Variants in STK10 observed in about 807,000 individuals in gnomAD.
STK10 encodes the protein serine/threonine kinase 10, also known as serine/threonine-protein kinase 10.
STK10 carries 78 observed loss-of-function variants against 113.8 expected under a neutral mutation model. The ratio of observed to expected loss-of-function variants is 0.69; its 90% CI spans 0.57 to 0.83. STK10 has a LOEUF of 0.83. Ranked by LOEUF, STK10 falls within the 40% of genes least tolerant of loss-of-function variation. The pLI is 0.00. For synonymous variants in STK10, 465 were observed against 494.7 expected, an observed-to-expected ratio of 0.94 and a Z score of 0.80; for missense variants, 1,109 against 1,280.1, an observed-to-expected ratio of 0.87 and a Z score of 2.04.
chr5:172,100,396 A>G (rs1237535537), intron 7 of STK10, among the ~76,000 whole-genome samples: 1 of 152,210 alleles, frequency 6.6e-6, no homozygotes, highest in Non-Finnish European at 1.5e-5. Context: ...CCTGCCATCT[A>G]AACAGATGTC....
rs1225463198 is a variant in STK10, at chr5:172,042,728, T to C, written c.*2154A>G. 6.6e-6 allele frequency: 1 copy of C among 152,186 alleles called. No individual in the cohort carries two copies. The highest frequency in any genetic ancestry group is 2.4e-5 in the African/African-American group (1 of 41,428). The allele number at this position is 152,186 out of a possible 1,614,324, so 9.4% of individuals were successfully genotyped here. A position where few individuals can be genotyped will look rare whatever the true frequency, so the allele number is the denominator to read the frequency against. On this transcript the variant is annotated 3_prime_UTR_variant, in exon 19 of 19. Coordinates refer to ENST00000176763, the MANE Select transcript of STK10 (RefSeq NM_005990.4). ...GAGACAATTGTTTCGCTTGTCTCAT[T>C]TGTGAGAGACCTAAAAAACACCCCC...
rs369559103 is a variant in STK10 at position 172,188,037 on chromosome 5, A to T, written c.6T>A (p.Ala2=). 13 of 1,611,680 alleles carry T rather than the reference A, an allele frequency of 8.1e-6. No homozygotes were observed. The highest frequency in any genetic ancestry group is 1.1e-5 in the Non-Finnish European group (13 of 1,179,158). The change falls in exon 1 of 19, where the codon GCT becomes GCA. Residue 2 remains alanine (A), a synonymous_variant. Transcript: ENST00000176763. This position sits in a 1 kb window ranked among gnomAD's most constrained non-coding sequence, Gnocchi z 5.6. The stretch of plus-strand genomic sequence containing the variant: ...GCAGGATGCGGCGGAAATTGGCAAA[A>T]GCCATGGCCGGGGGCGCGGTGGCGC... M[A]FANFRRILRL...
chr5:172,073,769 A>C (rs1188659622), intron 12 of STK10, among the ~76,000 whole-genome samples: 1 of 126,874 alleles, frequency 7.9e-6, no homozygotes, highest in African/African-American at 3.6e-5. Flanking sequence ...CAACATGGTG[A>C]AACCCCATCT....
intron 18 of STK10, among the ~76,000 whole-genome samples, chr5:172,048,450 CACAT>C (rs1156630163): frequency 6.6e-6 from 1 of 151,364 alleles, no homozygotes; most frequent in Non-Finnish European, 1.5e-5. Flanking sequence ...CACACACACA[CACAT>C]CCTCTCTCTA....
At chr5:172,137,459 AACT>A (rs976242058) in intron 2 of STK10, among the ~76,000 whole-genome samples, 1 of 152,194 alleles carries the variant, frequency 6.6e-6, no homozygotes, top group African/African-American at 2.4e-5. Flanking sequence ...GATAAAAAAA[AACT>A]ACGTGATCAT....
chr5:172,130,202 T>C (rs1769720178), intron 2 of STK10, among the ~76,000 whole-genome samples: 2 of 152,060 alleles, frequency 1.3e-5, no homozygotes, highest in Non-Finnish European at 2.9e-5. Context: ...GCTCTAGGAT[T>C]TACTGTAAGG....
chr5:172,188,052 C>A lies in STK10; in HGVS notation c.-10G>T, dbSNP rs200188738. On this transcript the variant is annotated 5_prime_UTR_variant, in exon 1 of 19. Coordinates refer to ENST00000176763, the MANE Select transcript of STK10 (RefSeq NM_005990.4). The surrounding 1 kb of genome is among the most constrained non-coding windows in gnomAD (Gnocchi z 5.6). ...AATTGGCAAAAGCCATGGCCGGGGG[C>A]GCGGTGGCGCCGGCTCGGGCTCGGG... 6.2e-7 allele frequency: 1 copy of A among 1,609,950 alleles called. No individual in the cohort carries two copies. Among genetic ancestry groups the A allele is most frequent in the Non-Finnish European group, 8.5e-7 (1 of 1,178,252 alleles).
chr5:172,163,120 C>A lies in STK10; in HGVS notation c.157-6332G>T, dbSNP rs575036099. ...CCTTGAGGCCACAGGAGATGTAATA[C>A]GGCTGATGATAAAAACAGCTAACAC... On this transcript the variant is annotated intron_variant, in intron 1 of 18. Coordinates refer to ENST00000176763, the MANE Select transcript of STK10 (RefSeq NM_005990.4). Among the ~76,000 whole-genome samples, 6 of 152,304 alleles carry A rather than the reference C, an allele frequency of 3.9e-5. No individual in the cohort carries two copies. The South Asian group carries it at 1.2e-3, about 32-fold the overall frequency.
chr5:172,061,982 CTTTTTTT>C, intron 13 of STK10, among the ~76,000 whole-genome samples: 1 of 142,136 alleles, frequency 7.0e-6, no homozygotes, highest in South Asian at 2.2e-4. Context: ...TTTCTTTTTT[CTTTTTTT>C]TTTTTTGAGA....
Position 172,043,486 on chromosome 5 carries a change from T to C in STK10, c.*1396A>G, listed in dbSNP as rs2113673351. 1 of 152,286 alleles carries C rather than the reference T, an allele frequency of 6.6e-6. No individual in the cohort carries two copies. Among genetic ancestry groups the C allele is most frequent in the South Asian group, 2.1e-4 (1 of 4,824 alleles). 9.4% of individuals were successfully genotyped at this position (152,286 alleles called of 1,614,324 possible). ...TGATTACTCCAAATCATTACCAGTTTTGTGTTGTTGTTCTTGTTTGTTGTT... is the reference window on the plus strand; with the variant it reads ...TGATTACTCCAAATCATTACCAGTTCTGTGTTGTTGTTCTTGTTTGTTGTT... On this transcript the variant is annotated 3_prime_UTR_variant, in exon 19 of 19. Coordinates refer to ENST00000176763, the MANE Select transcript of STK10 (RefSeq NM_005990.4).
intron 2 of STK10, among the ~76,000 whole-genome samples, chr5:172,152,455 C>G (rs1280632707): frequency 2.0e-5 from 3 of 152,152 alleles, no homozygotes; most frequent in Non-Finnish European, 4.4e-5. Flanking sequence ...TAGCTATTAG[C>G]AGAGGACATT....
chr5:172,156,044 G>A (rs1417371937), intron 2 of STK10, among the ~76,000 whole-genome samples: 4 of 151,890 alleles, frequency 2.6e-5, no homozygotes, highest in Non-Finnish European at 4.4e-5. Context: ...GGAAGATGGC[G>A]CTTGAAGCTA....
chr5:172,154,907 A>T (rs886734298), intron 2 of STK10, among the ~76,000 whole-genome samples: 4 of 152,338 alleles, frequency 2.6e-5, no homozygotes, highest in Non-Finnish European at 4.4e-5. Flanking sequence ...TCATAGCAAA[A>T]GGCCAAGCAC....
Position 172,082,415 on chromosome 5 carries a change from G to T in STK10, c.1900C>A (p.Arg634Ser). The T allele has an allele frequency of 6.2e-7, 1 of 1,610,920 alleles. No individual in the cohort carries two copies. The highest frequency in any genetic ancestry group is 8.5e-7 in the Non-Finnish European group (1 of 1,178,566). The change falls in exon 12 of 19, where the codon CGC (arginine) becomes AGC (serine). Residue 634 changes from arginine to serine, a missense_variant. Physicochemically the swap from Arg to Ser is moderately radical, Grantham distance 110. Around this residue, in one of 5 missense-constraint regions of STK10, gnomAD observed 885 missense variants for 991.1 expected, o/e 0.89. Coordinates refer to ENST00000176763, the MANE Select transcript of STK10 (RefSeq NM_005990.4). The surrounding 1 kb of genome is among the most constrained non-coding windows in gnomAD (Gnocchi z 4.3). ...VEKMEQDHAV[R>S]RREEARRIRL... The stretch of plus-strand genomic sequence containing the variant: ...ATCCGCCTGGCCTCCTCCCGGCGGC[G>T]CACGGCATGGTCTTGCTCCATCTTC...
intron 10 of STK10, among the ~76,000 whole-genome samples, chr5:172,087,105 C>G (rs1355336871): frequency 1.1e-5 from 1 of 91,762 alleles, no homozygotes; most frequent in Non-Finnish European, 2.2e-5. Context: ...ACAGATGACA[C>G]CAGTGTGTGT....
chr5:172,136,542 A>C (rs1769864286), intron 2 of STK10, among the ~76,000 whole-genome samples: 1 of 152,210 alleles, frequency 6.6e-6, no homozygotes, highest in Non-Finnish European at 1.5e-5. Context: ...GCTTGCAGTG[A>C]GCCAAGATCG....
intron 1 of STK10, among the ~76,000 whole-genome samples, chr5:172,183,583 G>A (rs1362341557): frequency 6.6e-6 from 1 of 151,978 alleles, no homozygotes; most frequent in Non-Finnish European, 1.5e-5. Context: ...TAGTAGCTGG[G>A]ATTACAGGCT....
In STK10 at chr5:172,187,944, G is replaced by A. The variant is rs1220019694; in HGVS notation, c.99C>T (p.Asn33=). 1.2e-6 allele frequency: 2 copies of A among 1,613,460 alleles called. No homozygotes were observed. Among genetic ancestry groups the A allele is most frequent in the Admixed American group, 1.7e-5 (1 of 59,986 alleles). The change falls in exon 1 of 19, where the codon AAC becomes AAT. Residue 33 remains asparagine (N), a synonymous_variant. Transcript: ENST00000176763. This position sits in a 1 kb window ranked among gnomAD's most constrained non-coding sequence, Gnocchi z 4.6. The stretch of plus-strand genomic sequence containing the variant: ...GCTCGCCCACGATCTCCCACACCTC[G>A]TTGGGGTCCAGGTCGCGGCGGACGT... The part of the protein sequence containing the change: ...YEHVRRDLDP[N]EVWEIVGELG...
In STK10 at chr5:172,133,932, C is replaced by T. The variant is rs932834716; in HGVS notation, c.322-6511G>A. ...TACACCAACGGCTCTCCAACTTGAACGTTCAGCAGAGTGCTTGTTAAAACA... is the reference window on the plus strand; with the variant it reads ...TACACCAACGGCTCTCCAACTTGAATGTTCAGCAGAGTGCTTGTTAAAACA... On this transcript the variant is annotated intron_variant, in intron 2 of 18. Coordinates refer to ENST00000176763, the MANE Select transcript of STK10 (RefSeq NM_005990.4). This position sits in a 1 kb window ranked among gnomAD's most constrained non-coding sequence, Gnocchi z 4.9. Among the ~76,000 whole-genome samples the T allele has an allele frequency of 3.3e-5, 5 of 152,186 alleles. No homozygotes were observed. The highest frequency in any genetic ancestry group is 7.3e-5 in the Non-Finnish European group (5 of 68,032).
Sources: gnomAD v4.1 joint callset for allele counts (sites outside exome capture counted in the v4.1 genomes callset) on GRCh38, gnomAD v4.1.1 for gene constraint, gnomAD v4.1.1 regional missense constraint, Gnocchi (gnomAD v3.1) non-coding constraint, MANE v1.5 for transcripts, NCBI Gene and HGNC (gene_info 2026-07-23, HGNC 2026-07-21) for gene names.